The following C3orf49 variants were observed in gnomAD, a reference collection of about 807,000 sequenced individuals.
C3orf49 encodes chromosome 3 open reading frame 49.
C3orf49 carries 27 observed loss-of-function variants against 13.3 expected under a neutral mutation model. That is an observed-to-expected ratio of 2.02 (90% confidence interval 1.49 to 2.79). The LOEUF is 2.79. C3orf49 is among the 30% of genes most tolerant of loss of function. C3orf49 has a pLI of 0.00. For synonymous variants in C3orf49, 87 were observed against 47.6 expected, an observed-to-expected ratio of 1.83 and a Z score of -3.40; for missense variants, 242 against 134.2, an observed-to-expected ratio of 1.80 and a Z score of -3.97.
At chr3:63,808,291 T>C in the C3orf49 span, among the ~76,000 whole-genome samples, 2 of 152,218 alleles carry the variant, frequency 1.3e-5, no homozygotes, top group Admixed American at 6.5e-5. Flanking sequence ...CATAAATTCA[T>C]TATGTTTTAT....
At chr3:63,832,567 T>C (rs1029165404) in intron 5 of C3orf49, among the ~76,000 whole-genome samples, 3 of 151,628 alleles carry the variant, frequency 2.0e-5, no homozygotes, top group Non-Finnish European at 2.9e-5. Context: ...GAGGCTGACA[T>C]AGAAGAATTG....
At chr3:63,790,183 A>G in the C3orf49 span, among the ~76,000 whole-genome samples, 1 of 152,180 alleles carries the variant, frequency 6.6e-6, no homozygotes, top group Non-Finnish European at 1.5e-5. Flanking sequence ...AAGAGAGGGT[A>G]TGCAAGTGGA....
chr3:63,823,764 C>CG (rs1559598640), intron 2 of C3orf49, among the ~76,000 whole-genome samples, 195 bp downstream of exon 2: 2 of 128,672 alleles, frequency 1.6e-5, no homozygotes, highest in South Asian at 2.7e-4. Flanking sequence ...ATGTTCATAC[C>CG]GTTGTGTGTG....
chr3:63,801,306 T>G, the C3orf49 span, among the ~76,000 whole-genome samples: 1 of 151,218 alleles, frequency 6.6e-6, no homozygotes, highest in African/African-American at 2.4e-5. Flanking sequence ...AATATTTGAC[T>G]ACATAGAAAG....
At chr3:63,840,754 G>A (rs995523895) in intron 5 of C3orf49, among the ~76,000 whole-genome samples, 5 of 152,130 alleles carry the variant, frequency 3.3e-5, no homozygotes, top group Admixed American at 1.3e-4. Context: ...ACAGTAAAAC[G>A]TCATTTTTCA....
chr3:63,808,710 G>T, the C3orf49 span, among the ~76,000 whole-genome samples: 182 of 152,276 alleles, frequency 1.2e-3, 2 homozygotes, highest in East Asian at 0.031. Context: ...GAATGGTAAG[G>T]TTGGTCCCTA....
At chr3:63,826,942 C>A (rs1438754951) in intron 2 of C3orf49, 1 of 151,632 alleles carries the variant, frequency 6.6e-6, no homozygotes, top group Non-Finnish European at 1.5e-5. Context: ...GAGCGAGACT[C>A]CATCTCAGAA....
chr3:63,819,834 T>A (rs935580643), intron 1 of C3orf49, among the ~76,000 whole-genome samples: 26 of 152,174 alleles, frequency 1.7e-4, no homozygotes, highest in African/African-American at 6.0e-4. Flanking sequence ...CAATGTGGCA[T>A]AGGAGACTAA....
intron 5 of C3orf49, among the ~76,000 whole-genome samples, chr3:63,840,417 C>T (rs548898107): frequency 1.2e-4 from 18 of 152,036 alleles, no homozygotes; most frequent in African/African-American, 4.1e-4. Context: ...CACAGTGAGA[C>T]TCTGACTCTA....
At chr3:63,797,939 T>A in the C3orf49 span, among the ~76,000 whole-genome samples, 15 of 152,150 alleles carry the variant, frequency 9.9e-5, no homozygotes. Flanking sequence ...TACTATGGAA[T>A]TTCATCTTTC....
the C3orf49 span, among the ~76,000 whole-genome samples, chr3:63,805,777 C>G: frequency 6.6e-6 from 1 of 152,174 alleles, no homozygotes; most frequent in East Asian, 1.9e-4. Flanking sequence ...AACAAACCAT[C>G]CTCTGCTTCA....
At chr3:63,836,018 G>A (rs1261988458) in intron 5 of C3orf49, among the ~76,000 whole-genome samples, 1 of 151,864 alleles carries the variant, frequency 6.6e-6, no homozygotes, top group Non-Finnish European at 1.5e-5. Context: ...GGCATAACTA[G>A]TTTATTCTTT....
intron 5 of C3orf49, among the ~76,000 whole-genome samples, chr3:63,841,518 G>A (rs1192619781): frequency 2.6e-5 from 4 of 152,150 alleles, no homozygotes; most frequent in South Asian, 2.1e-4. Context: ...ATTTTTGAGC[G>A]CAGGTGCAGC....
chr3:63,788,714 A>G, the C3orf49 span, among the ~76,000 whole-genome samples: 113 of 151,178 alleles, frequency 7.5e-4, no homozygotes, highest in Non-Finnish European at 1.3e-3. Context: ...CCTATTATTA[A>G]CCCTATTACA....
chr3:63,806,793 ACT>A, the C3orf49 span, among the ~76,000 whole-genome samples: 1 of 151,340 alleles, frequency 6.6e-6, no homozygotes, highest in South Asian at 2.1e-4. Flanking sequence ...GGCCTGCCTG[ACT>A]CTGCTTCAGT....
At chr3:63,815,231 G>C (rs962850084), upstream of C3orf49, among the ~76,000 whole-genome samples, 1 of 152,096 alleles carries the variant, frequency 6.6e-6, no homozygotes, top group African/African-American at 2.4e-5. Context: ...TATCCAAACT[G>C]TATCATCCCC....
At chr3:63,835,262 A>G in intron 5 of C3orf49, 1 of 1,610,642 alleles carries the variant, frequency 6.2e-7, no homozygotes, top group Non-Finnish European at 8.5e-7. Flanking sequence ...AATGACCTGT[A>G]TATATAGATA....
chr3:63,819,034 T>C (rs918246361), upstream of C3orf49, among the ~76,000 whole-genome samples: 1 of 152,258 alleles, frequency 6.6e-6, no homozygotes, highest in East Asian at 1.9e-4. Flanking sequence ...TATAGGTCCC[T>C]ACCACTTCAG....
the C3orf49 span, among the ~76,000 whole-genome samples, chr3:63,802,899 GACAC>G: frequency 6.6e-6 from 1 of 151,356 alleles, no homozygotes; most frequent in Non-Finnish European, 1.5e-5. Flanking sequence ...CACATACACA[GACAC>G]ACACACACAG....
Sources: gnomAD v4.1 joint callset for allele counts (sites outside exome capture counted in the v4.1 genomes callset) on GRCh38, gnomAD v4.1.1 for gene constraint, MANE v1.5 for transcripts, NCBI Gene and HGNC (gene_info 2026-07-23, HGNC 2026-07-21) for gene names.